Variants in PRDM4 observed in about 807,000 individuals in gnomAD.
PRDM4 encodes the protein PR domain zinc finger protein 4.
Under a neutral mutation model 62.3 loss-of-function variants are expected in PRDM4, and 38 were observed. The observed-to-expected ratio is 0.61, with a 90% CI of 0.47 to 0.80. The LOEUF is 0.80. Among genes scored for constraint, PRDM4 ranks in the 30% least tolerant of loss-of-function variants. PRDM4 has a pLI of 0.00. For synonymous variants in PRDM4, 339 were observed against 348.2 expected (o/e 0.97, Z 0.30); for missense variants, 858 against 997.1 (o/e 0.86, Z 1.88).
At chr12:107,746,057 A>G (rs964460223) in intron 6 of PRDM4, among the ~76,000 whole-genome samples, 1 of 152,210 alleles carries the variant, frequency 6.6e-6, no homozygotes, top group African/African-American at 2.4e-5. Context: ...TTTACTCAAT[A>G]CTGATTCTAA....
chr12:107,734,372 G>A lies in PRDM4; in HGVS notation c.2244C>T (p.His748=), dbSNP rs369142733. ...AGGTGGGCCCTTTGCAGGTTTTCAG[G>A]TGGCGGGTGAGATGGTATTTGGTTA... ...AYLTKYHLTR[H]LKTCKGPTSS... is the part of the protein sequence containing the mutation. Residue 748 remains histidine, a synonymous_variant, in exon 12 of 12, where the codon CAC becomes CAT. Coordinates refer to ENST00000228437, the MANE Select transcript of PRDM4 (RefSeq NM_012406.4). 195 of 1,614,028 alleles carry A rather than the reference G, an allele frequency of 1.2e-4. No homozygotes were observed. Among genetic ancestry groups the A allele is most frequent in the Non-Finnish European group, 1.5e-4 (175 of 1,180,022 alleles).
chr12:107,749,163 CT>C (rs1005841017), intron 5 of PRDM4, among the ~76,000 whole-genome samples: 24 of 152,156 alleles, frequency 1.6e-4, no homozygotes, highest in Non-Finnish European at 2.9e-4. Context: ...TTTCATTCCA[CT>C]TCTACAGCCA....
intron 5 of PRDM4, among the ~76,000 whole-genome samples, chr12:107,749,209 T>C (rs746364467): frequency 2.3e-4 from 35 of 152,218 alleles, no homozygotes; most frequent in Non-Finnish European, 3.8e-4. Context: ...TTCTTAAATA[T>C]TTCCAGACAG....
At chr12:107,746,119 A>C (rs934631884) in intron 6 of PRDM4, among the ~76,000 whole-genome samples, 156 bp downstream of exon 6, 9 of 152,256 alleles carry the variant, frequency 5.9e-5, no homozygotes, top group African/African-American at 2.2e-4. Context: ...TGCTATCATC[A>C]GTGGACAAGA....
intron 4 of PRDM4, among the ~76,000 whole-genome samples, chr12:107,753,170 G>C (rs772765100): frequency 1.3e-5 from 2 of 152,132 alleles, no homozygotes; most frequent in African/African-American, 4.8e-5. Context: ...GCAGGAGTTC[G>C]AGACCAGCCT....
At chr12:107,758,101 A>T (rs544459501) in intron 2 of PRDM4, among the ~76,000 whole-genome samples, 35 of 152,310 alleles carry the variant, frequency 2.3e-4, no homozygotes, top group Admixed American at 8.5e-4. Flanking sequence ...AAATCTAAAT[A>T]GGTTTTTAAT....
Position 107,751,691 on chromosome 12 carries a change from C to T in PRDM4, c.850G>A (p.Ala284Thr). Residue 284 changes from alanine (A) to threonine (T), a missense_variant, in exon 5 of 12, where the codon GCC becomes ACC. Ala to Thr is a moderately conservative substitution (Grantham distance 58, BLOSUM62 0). This residue lies in a region of PRDM4 where 499 missense variants were observed against 546.7 expected (regional missense o/e 0.91). Transcript: ENST00000228437. Reference protein sequence around the residue: ...ASRVNGMSDSALSDSIHTVAM... With the variant: ...ASRVNGMSDSTLSDSIHTVAM... ...ACAGTGTGAATGGAGTCACTGAGGG[C>T]ACTGTCAGACATGCCATTGACCCGA... is the stretch of plus-strand genomic sequence containing the variant. The T allele has an allele frequency of 1.2e-6, 2 of 1,614,128 alleles. No homozygotes were observed. The highest frequency in any genetic ancestry group is 1.7e-6 in the Non-Finnish European group (2 of 1,180,030).
chr12:107,747,784 G>A (rs1157287025), intron 5 of PRDM4, among the ~76,000 whole-genome samples: 1 of 151,844 alleles, frequency 6.6e-6, no homozygotes, highest in African/African-American at 2.4e-5. Context: ...TAGAACCACA[G>A]TCATCTATCT....
intron 5 of PRDM4, among the ~76,000 whole-genome samples, chr12:107,748,596 T>C (rs1890796076): frequency 6.6e-6 from 1 of 152,232 alleles, no homozygotes; most frequent in Non-Finnish European, 1.5e-5. Context: ...AAGTATCGCA[T>C]GATTCCATTT....
At chr12:107,738,262 G>A (rs1012013368) in intron 11 of PRDM4, 1 of 152,168 alleles carries the variant, frequency 6.6e-6, no homozygotes, top group African/African-American at 2.4e-5. Flanking sequence ...ACAATTTGAT[G>A]TAATATTTGA....
At chr12:107,744,723 G>A in intron 6 of PRDM4, 62 bp from the exon 7 acceptor site, 1 of 1,591,460 alleles carries the variant, frequency 6.3e-7, no homozygotes, top group Admixed American at 1.7e-5. Context: ...ACAGAAGAAA[G>A]AGGTGCTTCA....
chr12:107,758,972 GC>G (rs1298797667), intron 2 of PRDM4, among the ~76,000 whole-genome samples: 1 of 152,154 alleles, frequency 6.6e-6, no homozygotes, highest in Non-Finnish European at 1.5e-5. Flanking sequence ...TTTTTATTAT[GC>G]TATAAAATAA....
At chr12:107,756,603 G>A (rs1274163660) in intron 3 of PRDM4, among the ~76,000 whole-genome samples, 1 of 152,174 alleles carries the variant, frequency 6.6e-6, no homozygotes, top group Non-Finnish European at 1.5e-5. Flanking sequence ...CAACTCAGAA[G>A]AGGACTATCA....
At chr12:107,743,967 A>C (rs1890601775) in intron 7 of PRDM4, among the ~76,000 whole-genome samples, 1 of 152,066 alleles carries the variant, frequency 6.6e-6, no homozygotes, top group Non-Finnish European at 1.5e-5. Flanking sequence ...TACAAAAATT[A>C]GCTGGGCATG....
At chr12:107,754,792 A>G (rs1342944739) in intron 3 of PRDM4, 1 of 152,236 alleles carries the variant, frequency 6.6e-6, no homozygotes, top group Non-Finnish European at 1.5e-5. Flanking sequence ...TGATAGTATG[A>G]AATTTTTTTG....
intron 4 of PRDM4, 67 bp downstream of exon 4, chr12:107,753,857 C>T (rs1392684508): frequency 2.8e-5 from 40 of 1,432,220 alleles, no homozygotes; most frequent in Non-Finnish European, 3.8e-5. Context: ...TTCATATCTT[C>T]AGGATAAAAG....
chr12:107,739,195 C>T (rs944655115), intron 11 of PRDM4, 188 bp downstream of exon 11: 26 of 530,366 alleles, frequency 4.9e-5, no homozygotes, highest in African/African-American at 4.8e-4. Flanking sequence ...CTGAAATCTT[C>T]CAGGATAACA....
intron 10 of PRDM4, 151 bp from the exon 11 acceptor site, chr12:107,739,702 G>T: frequency 3.2e-6 from 2 of 631,166 alleles, no homozygotes; most frequent in Non-Finnish European, 5.2e-6. Flanking sequence ...GTCTATGTGA[G>T]ACCACTCAAG....
At chr12:107,752,262 A>T in intron 4 of PRDM4, 53 bp from the exon 5 acceptor site, 1 of 1,342,530 alleles carries the variant, frequency 7.4e-7, no homozygotes, top group South Asian at 1.3e-5. Context: ...TTATTAAAGA[A>T]TTCCAAGCAC....
Sources: allele counts gnomAD v4.1 joint callset (sites outside exome capture counted in the v4.1 genomes callset), GRCh38; gene constraint gnomAD v4.1.1; regional missense constraint gnomAD v4.1.1; transcripts MANE v1.5; gene names NCBI Gene and HGNC (gene_info 2026-07-23, HGNC 2026-07-21).